WWOX: variants seen among roughly 807,000 people sequenced by gnomAD.
WWOX encodes WW domain containing oxidoreductase, also known as WW domain-containing oxidoreductase.
Under a neutral mutation model 46.2 loss-of-function variants are expected in WWOX, and 69 were observed. The ratio of observed to expected loss-of-function variants is 1.49; its 90% CI spans 1.23 to 1.82. WWOX has a LOEUF of 1.82. WWOX is among the 40% of genes most tolerant of loss of function. WWOX has a pLI of 0.00. For missense variants in WWOX, 919 were observed against 542.6 expected (o/e 1.69, Z -6.89); for synonymous variants, 359 against 202.6 (o/e 1.77, Z -6.56).
intron 7 of WWOX, among the ~76,000 whole-genome samples, chr16:78,431,261 C>T (rs919765195): frequency 2.8e-4 from 42 of 152,170 alleles, no homozygotes; most frequent in African/African-American, 9.7e-4. Context: ...TACTTAAAAA[C>T]ATTAGATTTT....
chr16:79,103,205 A>G (rs999931658), intron 8 of WWOX, among the ~76,000 whole-genome samples: 3 of 152,164 alleles, frequency 2.0e-5, no homozygotes, highest in African/African-American at 4.8e-5. Context: ...GCCTTGACCT[A>G]TTGACTGCAG....
intron 8 of WWOX, among the ~76,000 whole-genome samples, chr16:78,502,834 T>C (rs1272090934): frequency 2.0e-5 from 3 of 152,156 alleles, no homozygotes; most frequent in Admixed American, 2.0e-4. Flanking sequence ...CTACTTACAG[T>C]ATGACTCGTA....
chr16:79,192,607 A>G (rs1490199695), intron 8 of WWOX, among the ~76,000 whole-genome samples: 1 of 152,226 alleles, frequency 6.6e-6, no homozygotes, highest in East Asian at 1.9e-4. Flanking sequence ...GGTATTCAGA[A>G]GCACCCCTAA....
At chr16:78,571,932 T>C (rs952749822) in intron 8 of WWOX, among the ~76,000 whole-genome samples, 3 of 152,188 alleles carry the variant, frequency 2.0e-5, no homozygotes, top group African/African-American at 7.2e-5. Context: ...TGGCAAAACG[T>C]TAAGTACTAA....
intron 8 of WWOX, among the ~76,000 whole-genome samples, chr16:78,585,297 C>T (rs934113771): frequency 6.6e-6 from 1 of 152,158 alleles, no homozygotes; most frequent in Non-Finnish European, 1.5e-5. Context: ...AGCAGTTCTC[C>T]CTGAGGTAGG....
intron 8 of WWOX, among the ~76,000 whole-genome samples, chr16:78,788,761 C>T (rs956915085): frequency 6.6e-6 from 1 of 152,114 alleles, no homozygotes; most frequent in Admixed American, 6.5e-5. Flanking sequence ...CACCTGAAGC[C>T]CCTCAGCCAG....
At chr16:79,004,274 C>G (rs2047150130) in intron 8 of WWOX, 3 of 152,294 alleles carry the variant, frequency 2.0e-5, no homozygotes, top group South Asian at 4.1e-4. Flanking sequence ...AATAAAAACG[C>G]TTGGCAGTAC....
chr16:78,851,516 CT>C (rs1275563622), intron 8 of WWOX, among the ~76,000 whole-genome samples: 1 of 152,184 alleles, frequency 6.6e-6, no homozygotes, highest in African/African-American at 2.4e-5. Context: ...GAGCCTGATA[CT>C]TTCACAGTGA....
chr16:78,292,583 A>C (rs898217581), intron 5 of WWOX, among the ~76,000 whole-genome samples: 7 of 152,112 alleles, frequency 4.6e-5, no homozygotes, highest in Non-Finnish European at 1.0e-4. Flanking sequence ...AGAATATTTA[A>C]ATTAGGATTT....
At chr16:78,198,326 C>A (rs1359651262) in intron 5 of WWOX, among the ~76,000 whole-genome samples, 1 of 152,068 alleles carries the variant, frequency 6.6e-6, no homozygotes, top group Non-Finnish European at 1.5e-5. Flanking sequence ...AAAACGACAC[C>A]CTCCCCCATC....
intron 8 of WWOX, among the ~76,000 whole-genome samples, chr16:78,604,071 G>A (rs1219775654): frequency 6.6e-6 from 1 of 152,142 alleles, no homozygotes; most frequent in Non-Finnish European, 1.5e-5. Context: ...TTGAGCCCGG[G>A]AGGTGGAGGC....
In WWOX at chr16:78,538,074, G is replaced by T. The variant is rs143422110; in HGVS notation, c.1056+105322G>T. Among the ~76,000 whole-genome samples, 10 of 152,050 alleles carry T rather than the reference G, an allele frequency of 6.6e-5. No individual in the cohort carries two copies. The East Asian group carries it at 1.2e-3, about 18-fold the overall frequency. ...TTTTTTCCAGCATGGTATTTTGAGC[G>T]GCACAGAAGGGGGTAATTATTTTAT... is the stretch of plus-strand genomic sequence containing the variant. On this transcript the variant is annotated intron_variant, in intron 8 of 8. Transcript: ENST00000566780.
intron 8 of WWOX, among the ~76,000 whole-genome samples, chr16:78,652,679 A>G (rs976093198): frequency 6.6e-6 from 1 of 152,146 alleles, no homozygotes; most frequent in Non-Finnish European, 1.5e-5. Context: ...ATCATCCTCA[A>G]GAATTGGGGG....
At chr16:78,255,287 A>G (rs943086572) in intron 5 of WWOX, among the ~76,000 whole-genome samples, 1 of 152,216 alleles carries the variant, frequency 6.6e-6, no homozygotes, top group African/African-American at 2.4e-5. Flanking sequence ...TCTTACTTCC[A>G]AAACAGTGGG....
intron 8 of WWOX, among the ~76,000 whole-genome samples, chr16:78,555,951 C>G (rs2044284277): frequency 6.6e-6 from 1 of 152,016 alleles, no homozygotes; most frequent in African/African-American, 2.4e-5. Flanking sequence ...TAAATCGCTG[C>G]TTATGAAATG....
intron 8 of WWOX, among the ~76,000 whole-genome samples, chr16:78,472,681 C>A (rs1245826104): frequency 6.6e-6 from 1 of 151,744 alleles, no homozygotes; most frequent in Non-Finnish European, 1.5e-5. Context: ...TGGTGGTACA[C>A]AGCTGTAGTC....
intron 8 of WWOX, among the ~76,000 whole-genome samples, chr16:78,699,816 G>C (rs867029645): frequency 5.9e-5 from 9 of 152,180 alleles, no homozygotes; most frequent in Middle Eastern, 3.4e-3. Flanking sequence ...ATGCATTCTT[G>C]TTAATTTATA....
At chr16:79,110,534 A>G (rs2049397397) in intron 8 of WWOX, 1 of 152,148 alleles carries the variant, frequency 6.6e-6, no homozygotes, top group Admixed American at 6.5e-5. Flanking sequence ...GAGAGTTAAT[A>G]GTTTGTACCT....
chr16:78,930,388 A>C (rs2045598041), intron 8 of WWOX, among the ~76,000 whole-genome samples: 1 of 145,826 alleles, frequency 6.9e-6, no homozygotes, highest in African/African-American at 2.6e-5. Context: ...GGCGATCCTC[A>C]CACCTTAGCC....
Sources: gnomAD v4.1 joint callset for allele counts (sites outside exome capture counted in the v4.1 genomes callset) on GRCh38, gnomAD v4.1.1 for gene constraint, MANE v1.5 for transcripts, NCBI Gene and HGNC (gene_info 2026-07-23, HGNC 2026-07-21) for gene names.